ZNF155: variants seen among roughly 807,000 people sequenced by gnomAD.
ZNF155 encodes KRAB A domain.
A neutral mutation model predicts 11.9 loss-of-function variants in ZNF155; 15 were observed. The observed-to-expected ratio is 1.26, with a 90% confidence interval of 0.84 to 1.94. ZNF155 has a LOEUF of 1.94. ZNF155 is among the 30% of genes most tolerant of loss of function. The pLI, the probability that ZNF155 is intolerant of heterozygous loss-of-function variation, is 0.00. For synonymous variants in ZNF155, 212 were observed against 219.9 expected (o/e 0.96, Z 0.32); for missense variants, 602 against 639.1 (o/e 0.94, Z 0.63).
At position 43,991,920 on chromosome 19, in the gene ZNF155, G is replaced by A; in HGVS notation, c.221G>A (p.Arg74Lys). The A allele has an allele frequency of 6.2e-7, 1 of 1,613,624 alleles. No individual in the cohort carries two copies. Residue 74 changes from arginine to lysine, a missense_variant, in exon 4 of 5, where the codon AGA (arginine) becomes AAA (lysine). Arg to Lys is a conservative substitution (Grantham distance 26). Transcript: ENST00000270014. ...KFWMMGTATQ[R>K]EGNSGGKIQT... Reference sequence around the variant, plus strand: ...TGGATGATGGGGACAGCAACCCAAAGAGAAGGGAATTCAGGTAAGAACTAA... The same window carrying A: ...TGGATGATGGGGACAGCAACCCAAAAAGAAGGGAATTCAGGTAAGAACTAA...
chr19:43,992,804 A>G (rs183380924), intron 4 of ZNF155, among the ~76,000 whole-genome samples: 147 of 152,326 alleles, frequency 9.7e-4, no homozygotes, highest in Admixed American at 3.1e-3. Context: ...ATTGCAGAAC[A>G]GTTTTTTTGG....
intron 2 of ZNF155, among the ~76,000 whole-genome samples, chr19:43,990,541 C>T (rs978090386): frequency 6.6e-6 from 1 of 152,230 alleles, no homozygotes; most frequent in Admixed American, 6.5e-5. Context: ...TGTCTAAGGC[C>T]ACACAGTTAG....
intron 2 of ZNF155, chr19:43,990,001 G>T: frequency 7.2e-7 from 1 of 1,393,454 alleles, no homozygotes; most frequent in South Asian, 1.5e-5. Context: ...GAGAATAATA[G>T]AATGATTTGT....
At chr19:43,984,677 G>T (rs535168020) in intron 1 of ZNF155, among the ~76,000 whole-genome samples, 1 of 152,284 alleles carries the variant, frequency 6.6e-6, no homozygotes, top group Non-Finnish European at 1.5e-5. Flanking sequence ...GAAAGTTGTG[G>T]TATAAAACAA....
intron 1 of ZNF155, among the ~76,000 whole-genome samples, chr19:43,985,647 T>C (rs961594080): frequency 9.2e-5 from 14 of 151,394 alleles, no homozygotes; most frequent in Admixed American, 7.2e-4. Flanking sequence ...GTTCAGGCGA[T>C]TCTCCTGCTT....
chr19:43,991,163 G>A (rs381091), intron 2 of ZNF155, among the ~76,000 whole-genome samples: 57,363 of 151,740 alleles, frequency 0.38, 11,786 homozygotes, highest in East Asian at 0.55. Flanking sequence ...TAGCATCCAG[G>A]GTTTGAGTAC....
At position 43,996,163 on chromosome 19, in the gene ZNF155, A is replaced by G. The variant is rs1975845534; in HGVS notation, c.306A>G (p.Gln102=). 1 of 1,614,126 alleles carries G rather than the reference A, an allele frequency of 6.2e-7. No homozygotes were observed. Among genetic ancestry groups the G allele is most frequent in the Non-Finnish European group, 8.5e-7 (1 of 1,179,954 alleles). The change falls in exon 5 of 5, where the codon CAA becomes CAG. Residue 102 remains glutamine, a synonymous_variant. Transcript: ENST00000270014. ...CACATGAAGAGTGGTCCTGCCAGCAAATCTGGGAACAAATTGCAAAAGACT... is the reference window on the plus strand; with the variant it reads ...CACATGAAGAGTGGTCCTGCCAGCAGATCTGGGAACAAATTGCAAAAGACT... ...AGAHEEWSCQ[Q]IWEQIAKDLT...
At chr19:43,992,625 C>T (rs1160404388) in intron 4 of ZNF155, among the ~76,000 whole-genome samples, 1 of 152,258 alleles carries the variant, frequency 6.6e-6, no homozygotes, top group East Asian at 1.9e-4. Flanking sequence ...CTCTGCCACT[C>T]TTCCTAAGCC....
chr19:43,990,104 A>G, intron 2 of ZNF155: 5 of 1,522,150 alleles, frequency 3.3e-6, no homozygotes, highest in Non-Finnish European at 4.4e-6. Flanking sequence ...CTGTTCAAAG[A>G]TTATGGAGGT....
chr19:43,996,350 C>A lies in ZNF155; in HGVS notation c.493C>A (p.Leu165Ile). Residue 165 changes from leucine (L) to isoleucine (I), a missense_variant, in exon 5 of 5, where the codon CTT becomes ATT. Leu to Ile is a conservative substitution (Grantham distance 5). Coordinates refer to ENST00000270014, the MANE Select transcript of ZNF155 (RefSeq NM_198089.3). ...QSISDVPIFD[L>I]PQQLYSEEKS... Reference sequence around the variant, plus strand: ...CATCAGTGATGTTCCCATCTTTGATCTTCCTCAGCAGTTATACTCAGAAGA... The same window carrying A: ...CATCAGTGATGTTCCCATCTTTGATATTCCTCAGCAGTTATACTCAGAAGA... The A allele has an allele frequency of 3.7e-6, 6 of 1,614,208 alleles. No homozygotes were observed. The highest frequency in any genetic ancestry group is 5.1e-6 in the Non-Finnish European group (6 of 1,180,034).
rs749942321 is a variant in ZNF155, at chr19:43,996,979, TA to T, written c.1125del (p.Glu376AsnfsTer13). ...ACACAGGAGAAAAACCATATAATTG[TA>T]AAGAATGTGGGAAGAGCTTCAGATG... ...VHTGEKPYNC[K>X]ECGKSFRWSS... On this transcript the variant is annotated frameshift_variant, in exon 5 of 5. Coordinates refer to ENST00000270014, the MANE Select transcript of ZNF155 (RefSeq NM_198089.3). LOFTEE classifies it low-confidence loss of function (END_TRUNC). The T allele has an allele frequency of 6.2e-6, 10 of 1,614,030 alleles. No individual in the cohort carries two copies. The African/African-American group carries it at 1.2e-4, about 19-fold the overall frequency.
intron 1 of ZNF155, among the ~76,000 whole-genome samples, chr19:43,987,096 T>C (rs1975487253): frequency 6.6e-6 from 1 of 152,226 alleles, no homozygotes. Context: ...TTAAATGATA[T>C]TTATTAAATA....
chr19:43,990,953 G>A lies in ZNF155; in HGVS notation c.16-595G>A, dbSNP rs532537509. Reference sequence around the variant, plus strand: ...AGCCCACCCGAGGTTATATACCTCCGGGGCAATACGACTTACTGGGCACTT... The same window carrying A: ...AGCCCACCCGAGGTTATATACCTCCAGGGCAATACGACTTACTGGGCACTT... On this transcript the variant is annotated intron_variant, in intron 2 of 4. Transcript: ENST00000270014. Among the ~76,000 whole-genome samples, 4 of 152,186 alleles carry A rather than the reference G, an allele frequency of 2.6e-5. No homozygotes were observed. The South Asian group carries it at 8.3e-4, about 32-fold the overall frequency.
Position 43,997,425 on chromosome 19 carries a change from G to A in ZNF155, c.1568G>A (p.Arg523Lys), listed in dbSNP as rs781252147. 1.1e-5 allele frequency: 17 copies of A among 1,606,170 alleles called. No homozygotes were observed. Among genetic ancestry groups the A allele is most frequent in the Non-Finnish European group, 3.4e-6 (4 of 1,178,142 alleles). The change falls in exon 5 of 5, where the codon AGG becomes AAG. Residue 523 changes from arginine (R) to lysine (K), a missense_variant. Coordinates refer to ENST00000270014, the MANE Select transcript of ZNF155 (RefSeq NM_198089.3). ...KCEDCGRRYK[R>K]RLNLDILLSL... ...GAGGATTGTGGGAGACGCTACAAGAGGCGCTTGAATCTGGATATACTTTTA... is the reference window on the plus strand; with the variant it reads ...GAGGATTGTGGGAGACGCTACAAGAAGCGCTTGAATCTGGATATACTTTTA...
chr19:43,985,417 TG>T (rs1027070783), intron 1 of ZNF155, among the ~76,000 whole-genome samples: 5 of 152,082 alleles, frequency 3.3e-5, no homozygotes, highest in Non-Finnish European at 7.4e-5. Context: ...GATGTGTCCT[TG>T]GGCATGGGTG....
In ZNF155 at chr19:43,996,269, C is replaced by T. The variant is rs907314683; in HGVS notation, c.412C>T (p.Leu138=). The change falls in exon 5 of 5, where the codon CTA becomes TTA. Residue 138 remains leucine, a synonymous_variant. Coordinates refer to ENST00000270014, the MANE Select transcript of ZNF155 (RefSeq NM_198089.3). ...TGTCCCCTCCCAGGTTGAAGCAGGACTACCCACAATTCATACAGGACAGAA... is the reference window on the plus strand; with the variant it reads ...TGTCCCCTCCCAGGTTGAAGCAGGATTACCCACAATTCATACAGGACAGAA... ...GDVPSQVEAG[L]PTIHTGQKPS... 2.5e-6 allele frequency: 4 copies of T among 1,614,148 alleles called. No individual in the cohort carries two copies. The highest frequency in any genetic ancestry group is 3.4e-6 in the Non-Finnish European group (4 of 1,180,004).
chr19:43,997,385 A>G lies in ZNF155; in HGVS notation c.1528A>G (p.Asn510Asp). The change falls in exon 5 of 5, where the codon AAC (asparagine) becomes GAC (aspartate). Residue 510 changes from asparagine (N) to aspartate (D), a missense_variant. Physicochemically the swap from Asn to Asp is conservative, Grantham distance 23. Transcript: ENST00000270014. ...KDQPRDYSGE[N>D]PSKCEDCGRR... ...CCAGCCGAGAGACTATAGTGGGGAA[A>G]ACCCATCCAAATGTGAGGATTGTGG... The G allele has an allele frequency of 1.9e-6, 3 of 1,613,794 alleles. No homozygotes were observed. Among genetic ancestry groups the G allele is most frequent in the Non-Finnish European group, 2.5e-6 (3 of 1,179,772 alleles).
intron 1 of ZNF155, among the ~76,000 whole-genome samples, chr19:43,986,886 T>A (rs904098470): frequency 1.3e-5 from 2 of 152,220 alleles, no homozygotes; most frequent in African/African-American, 4.8e-5. Context: ...GCCGATTGTT[T>A]ACATTTTTCC....
chr19:43,989,038 G>T (rs528887076), intron 2 of ZNF155: 1 of 152,572 alleles, frequency 6.6e-6, no homozygotes, highest in East Asian at 1.9e-4. Context: ...TGCAGTGACA[G>T]CTTTCCTATA....
Sources: allele counts gnomAD v4.1 joint callset (sites outside exome capture counted in the v4.1 genomes callset), GRCh38; gene constraint gnomAD v4.1.1; transcripts MANE v1.5; gene names NCBI Gene and HGNC (gene_info 2026-07-23, HGNC 2026-07-21).